Variants in SLC15A5 observed in about 807,000 individuals in gnomAD.
SLC15A5 encodes the protein Peptide/histidine transporter ENSP00000340402.
In SLC15A5, 58 loss-of-function variants were observed where a neutral mutation model predicts 56.1. The observed-to-expected ratio is 1.03, with a 90% CI of 0.84 to 1.29. The LOEUF is 1.29. Ranked by LOEUF, SLC15A5 falls within the 50% of genes most tolerant of loss-of-function variation. The pLI is 0.00. For synonymous variants in SLC15A5, 264 were observed against 250.5 expected, an observed-to-expected ratio of 1.05 and a Z score of -0.51; for missense variants, 681 against 672.1, an observed-to-expected ratio of 1.01 and a Z score of -0.15.
chr12:16,214,858 CA>C (rs1223093808), intron 7 of SLC15A5, among the ~76,000 whole-genome samples: 1 of 152,048 alleles, frequency 6.6e-6, no homozygotes, highest in Admixed American at 6.5e-5. Context: ...GGCAGCTTGT[CA>C]GAGGTGATGA....
chr12:16,204,472 T>A (rs1321789309), intron 7 of SLC15A5, among the ~76,000 whole-genome samples: 7 of 148,052 alleles, frequency 4.7e-5, no homozygotes, highest in African/African-American at 1.7e-4. Flanking sequence ...AATAAAAATG[T>A]GAAATTCATC....
intron 6 of SLC15A5, among the ~76,000 whole-genome samples, chr12:16,222,777 C>A (rs1179667656): frequency 6.6e-6 from 1 of 152,202 alleles, no homozygotes; most frequent in African/African-American, 2.4e-5. Flanking sequence ...AGCTGGCTAG[C>A]AATTTCCTCC....
intron 5 of SLC15A5, among the ~76,000 whole-genome samples, chr12:16,225,950 T>C (rs1565663386): frequency 6.6e-6 from 1 of 152,184 alleles, no homozygotes; most frequent in East Asian, 1.9e-4. Context: ...TTCCTACATA[T>C]AGAACCTCAG....
At chr12:16,227,784 A>G (rs1864256891) in intron 5 of SLC15A5, among the ~76,000 whole-genome samples, 2 of 152,214 alleles carry the variant, frequency 1.3e-5, no homozygotes, top group African/African-American at 4.8e-5. Flanking sequence ...AATGATTACA[A>G]TCGTTATTTA....
intron 3 of SLC15A5, among the ~76,000 whole-genome samples, chr12:16,246,162 G>C (rs1336668642): frequency 6.6e-6 from 1 of 152,114 alleles, no homozygotes; most frequent in Non-Finnish European, 1.5e-5. Flanking sequence ...TGGGATACTT[G>C]CTAACAGGAG....
chr12:16,215,033 T>C (rs1864116553), intron 7 of SLC15A5, among the ~76,000 whole-genome samples: 1 of 151,820 alleles, frequency 6.6e-6, no homozygotes, highest in East Asian at 1.9e-4. Flanking sequence ...TGAAATCTCA[T>C]CTCTACTAAA....
rs1419257228 is a variant in SLC15A5, at chr12:16,243,768, T to G, written c.975+812A>C. 1.3e-5 allele frequency among the ~76,000 whole-genome samples: 2 copies of G among 152,138 alleles called. No individual in the cohort carries two copies. Among genetic ancestry groups the G allele is most frequent in the African/African-American group, 2.4e-5 (1 of 41,436 alleles). On this transcript the variant is annotated intron_variant, in intron 4 of 8. Transcript: ENST00000344941. This position sits in a 1 kb window ranked among gnomAD's most constrained non-coding sequence, Gnocchi z 4.4. ...CTCACCTCTACCAAAAGAAAGTCAC[T>G]TAATTTTTCTGAGCCTAAGGTTCCT...
intron 7 of SLC15A5, among the ~76,000 whole-genome samples, chr12:16,210,353 T>C (rs1214474263): frequency 8.6e-5 from 3 of 34,820 alleles, no homozygotes; most frequent in Non-Finnish European, 2.1e-4. Context: ...CTTTCTAATT[T>C]CTTCTTCTCC....
intron 3 of SLC15A5, among the ~76,000 whole-genome samples, chr12:16,248,772 A>T (rs1406398583): frequency 6.6e-6 from 1 of 152,064 alleles, no homozygotes; most frequent in Non-Finnish European, 1.5e-5. Context: ...AAAGTCCATT[A>T]TCATTACAGT....
rs1864830999 is a variant in SLC15A5, at chr12:16,277,401, C to A, written c.285G>T (p.Val95=). Residue 95 remains valine, a synonymous_variant, in exon 1 of 9, where the codon GTG becomes GTT. Coordinates refer to ENST00000344941, the MANE Select transcript of SLC15A5 (RefSeq NM_001170798.1). The stretch of plus-strand genomic sequence containing the variant: ...AGACATCAGTGAGCCATCTGACAAA[C>A]ACAGGGGTAAGTATTGAAGTTCCAA... ...CFIGTSILTP[V]FVRWLTDVYL... is the part of the protein sequence containing the mutation. The A allele has an allele frequency of 6.5e-7, 1 of 1,536,386 alleles. No individual in the cohort carries two copies.
At chr12:16,268,986 TAA>T (rs1864722161) in intron 2 of SLC15A5, among the ~76,000 whole-genome samples, 1 of 152,030 alleles carries the variant, frequency 6.6e-6, no homozygotes, top group Non-Finnish European at 1.5e-5. Flanking sequence ...AGTTCCTTTA[TAA>T]AAGAGACCTC....
At chr12:16,221,406 G>T (rs1864187113) in intron 6 of SLC15A5, among the ~76,000 whole-genome samples, 1 of 152,166 alleles carries the variant, frequency 6.6e-6, no homozygotes. Context: ...GCTCAATAAT[G>T]AGAAGCCAGT....
rs542165190 is a variant in SLC15A5 at position 16,209,679 on chromosome 12, C to T, written c.1483+7214G>A. Among the ~76,000 whole-genome samples the T allele has an allele frequency of 4.6e-5, 7 of 152,260 alleles. No homozygotes were observed. In the East Asian group the frequency reaches 7.7e-4, roughly 17 times the overall value. ...CAGAAACTGGAATGCTTTCCTGACA[C>T]TACCTCCTCCCTCTTGCATCCTACT... On this transcript the variant is annotated intron_variant, in intron 7 of 8. Transcript: ENST00000344941.
At chr12:16,265,482 A>G (rs891229721) in intron 2 of SLC15A5, among the ~76,000 whole-genome samples, 1 of 151,544 alleles carries the variant, frequency 6.6e-6, no homozygotes, top group African/African-American at 2.4e-5. Context: ...TCTCCTGTAA[A>G]CTTTTTTGTT....
chr12:16,276,189 A>G (rs1181070396), intron 1 of SLC15A5, among the ~76,000 whole-genome samples: 1 of 151,982 alleles, frequency 6.6e-6, no homozygotes, highest in Non-Finnish European at 1.5e-5. Flanking sequence ...TTTTTATTCC[A>G]CAGAACTAAA....
Position 16,253,568 on chromosome 12 carries a change from T to C in SLC15A5, c.754+4133A>G, listed in dbSNP as rs1054459910. ...TCAACATCACTAATTACTAGGGAAA[T>C]GCAAATCAAAACCATAATGAGGCTG... On this transcript the variant is annotated intron_variant, in intron 3 of 8. Coordinates refer to ENST00000344941, the MANE Select transcript of SLC15A5 (RefSeq NM_001170798.1). Among the ~76,000 whole-genome samples, 7 of 152,132 alleles carry C rather than the reference T, an allele frequency of 4.6e-5. No homozygotes were observed. In the East Asian group the frequency reaches 1.2e-3, roughly 25 times the overall value.
intron 2 of SLC15A5, among the ~76,000 whole-genome samples, chr12:16,263,917 C>T (rs2136815071): frequency 6.6e-6 from 1 of 152,328 alleles, no homozygotes. Flanking sequence ...GATGTCCAGG[C>T]AGAAGTTTGC....
chr12:16,227,573 T>C (rs916555682), intron 5 of SLC15A5, among the ~76,000 whole-genome samples: 5 of 152,186 alleles, frequency 3.3e-5, no homozygotes, highest in African/African-American at 1.2e-4. Flanking sequence ...ACACGTGGCA[T>C]GAGCAAAGGG....
chr12:16,258,731 A>T (rs1305579757), intron 2 of SLC15A5, among the ~76,000 whole-genome samples: 1 of 152,162 alleles, frequency 6.6e-6, no homozygotes, highest in Non-Finnish European at 1.5e-5. Context: ...TAAAGGGCTT[A>T]TGTGATTAGA....
Sources: gnomAD v4.1 joint callset for allele counts (sites outside exome capture counted in the v4.1 genomes callset) on GRCh38, gnomAD v4.1.1 for gene constraint, Gnocchi (gnomAD v3.1) non-coding constraint, MANE v1.5 for transcripts, NCBI Gene and HGNC (gene_info 2026-07-23, HGNC 2026-07-21) for gene names.